Variants in NTRK3 observed in about 807,000 individuals in gnomAD.
NTRK3 encodes NT-3 growth factor receptor.
In NTRK3, 24 loss-of-function variants were observed where a neutral mutation model predicts 91.7. The observed-to-expected ratio is 0.26, with a 90% CI of 0.19 to 0.37. NTRK3 has a LOEUF of 0.37. NTRK3 is among the 10% of genes least tolerant of loss of function. The pLI, the probability that NTRK3 is intolerant of heterozygous loss-of-function variation, is 1.00. For missense variants in NTRK3, 880 were observed against 1,068.9 expected, an observed-to-expected ratio of 0.82 and a Z score of 2.46; for synonymous variants, 483 against 404.0, an observed-to-expected ratio of 1.20 and a Z score of -2.34.
intron 14 of NTRK3, among the ~76,000 whole-genome samples, chr15:88,028,136 C>T (rs929018914): frequency 2.1e-5 from 3 of 139,598 alleles, no homozygotes; most frequent in Non-Finnish European, 4.6e-5. Flanking sequence ...GAGTCATCAG[C>T]AGAAAGCTGA....
At chr15:88,056,700 G>C (rs1389039983) in intron 13 of NTRK3, among the ~76,000 whole-genome samples, 1 of 152,236 alleles carries the variant, frequency 6.6e-6, no homozygotes, top group Non-Finnish European at 1.5e-5. Flanking sequence ...GAATCTCTGA[G>C]GCAAGATAGC....
chr15:88,158,139 A>G lies in NTRK3; in HGVS notation c.396-10736T>C, dbSNP rs570483831. 5.3e-5 allele frequency among the ~76,000 whole-genome samples: 8 copies of G among 152,188 alleles called. No homozygotes were observed. The East Asian group carries it at 1.5e-3, about 29-fold the overall frequency. Reference sequence around the variant, plus strand: ...AATAATAATAGGGCATGTCCACTTGAGCTGTGGTGAGGATTAAATGGGGTA... The same window carrying G: ...AATAATAATAGGGCATGTCCACTTGGGCTGTGGTGAGGATTAAATGGGGTA... On this transcript the variant is annotated intron_variant, in intron 5 of 18. Coordinates refer to ENST00000394480, the Ensembl canonical transcript of NTRK3.
intron 5 of NTRK3, among the ~76,000 whole-genome samples, chr15:88,177,945 T>C (rs374036444): frequency 1.1e-4 from 17 of 152,330 alleles, no homozygotes; most frequent in African/African-American, 3.8e-4. Flanking sequence ...CTTTCAAAGC[T>C]CAGAGAAGTT....
At chr15:88,060,981 C>A (rs993081319) in intron 13 of NTRK3, among the ~76,000 whole-genome samples, 33 of 151,260 alleles carry the variant, frequency 2.2e-4, no homozygotes, top group Admixed American at 9.9e-4. Flanking sequence ...TTTTTTTCAA[C>A]TATTAAAATA....
intron 17 of NTRK3, among the ~76,000 whole-genome samples, chr15:87,899,213 G>T (rs2066308813): frequency 6.6e-6 from 1 of 152,160 alleles, no homozygotes; most frequent in South Asian, 2.1e-4. Context: ...GCAGGTAGAT[G>T]GGCATAATTA....
At chr15:87,989,853 C>G (rs946583099) in intron 14 of NTRK3, among the ~76,000 whole-genome samples, 1 of 152,136 alleles carries the variant, frequency 6.6e-6, no homozygotes, top group Non-Finnish European at 1.5e-5. Context: ...GGGATGCGCC[C>G]ACCTCAGCCT....
At chr15:88,124,929 G>A (rs1482844582) in intron 13 of NTRK3, among the ~76,000 whole-genome samples, 1 of 152,234 alleles carries the variant, frequency 6.6e-6, no homozygotes, top group Admixed American at 6.5e-5. Context: ...CAAGAGCAGA[G>A]AGTGCAAAGG....
chr15:87,893,269 T>A (rs1345582167), intron 17 of NTRK3, among the ~76,000 whole-genome samples: 2 of 152,270 alleles, frequency 1.3e-5, no homozygotes, highest in African/African-American at 4.8e-5. Flanking sequence ...CAGTTCCACC[T>A]CCAGCCCTGG....
intron 17 of NTRK3, among the ~76,000 whole-genome samples, chr15:87,904,419 G>A (rs1445882204): frequency 1.3e-5 from 2 of 151,830 alleles, no homozygotes; most frequent in Admixed American, 6.6e-5. Flanking sequence ...GCCTCCCAAA[G>A]TGCTGGGATT....
At chr15:87,943,862 G>A (rs1043616716) in intron 14 of NTRK3, among the ~76,000 whole-genome samples, 1 of 152,046 alleles carries the variant, frequency 6.6e-6, no homozygotes, top group Non-Finnish European at 1.5e-5. Flanking sequence ...GAAGGTAGCA[G>A]AGGGCAAGTG....
intron 17 of NTRK3, among the ~76,000 whole-genome samples, chr15:87,903,484 T>A (rs891565367): frequency 6.6e-6 from 1 of 152,162 alleles, no homozygotes; most frequent in Admixed American, 6.5e-5. Context: ...TCCAGGCCCC[T>A]TTTATCATCC....
rs566289859 is a variant in NTRK3 at position 88,029,873 on chromosome 15, A to C, written c.1585+2984T>G. Among the ~76,000 whole-genome samples the C allele has an allele frequency of 9.2e-5, 14 of 152,348 alleles. No individual in the cohort carries two copies. The South Asian group carries it at 2.9e-3, about 32-fold the overall frequency. On this transcript the variant is annotated intron_variant, in intron 14 of 18. Transcript: ENST00000394480. ...TTAATCAGAGACCTGCTGCTGGCTC[A>C]GCCAGTAAATCTCTGCTGAGGACTG...
intron 14 of NTRK3, among the ~76,000 whole-genome samples, chr15:88,013,430 T>C (rs1232259777): frequency 6.6e-6 from 1 of 152,216 alleles, no homozygotes; most frequent in Non-Finnish European, 1.5e-5. Flanking sequence ...TGATGCTCTA[T>C]CAACCAATTT....
intron 13 of NTRK3, among the ~76,000 whole-genome samples, chr15:88,041,562 G>A (rs764439396): frequency 2.0e-5 from 3 of 152,082 alleles, no homozygotes; most frequent in Admixed American, 6.5e-5. Context: ...CTTTTTCCTG[G>A]GTTGGCATTT....
At position 87,889,945 on chromosome 15, in the gene NTRK3, CATTTATTT is replaced by C. The variant is rs34147113; in HGVS notation, c.2134-9525_2134-9518del. Among the ~76,000 whole-genome samples the C allele has an allele frequency of 3.3e-3, 466 of 139,250 alleles. 1 individual carries two copies. The highest frequency in any genetic ancestry group is 0.011 in the Middle Eastern group (3 of 276). 91.4% of individuals were successfully genotyped at this position (139,250 alleles called of 152,430 possible). ...TCCCCTACCTTCTGCCCCAACTTTC[CATTTATTT>C]ATTTATTTATTTATTTATTTATTTA... On this transcript the variant is annotated intron_variant, in intron 17 of 18. Transcript: ENST00000394480.
rs532289998 is a variant in NTRK3 at position 88,213,510 on chromosome 15, G to T, written c.249-29211C>A. On this transcript the variant is annotated intron_variant, in intron 3 of 18. Coordinates refer to ENST00000394480, the Ensembl canonical transcript of NTRK3. ...AGACTAAGGCCCAGACAGACAGACAGACAGACAGACAAGGCAGCTCGGCCT... is the reference window on the plus strand; with the variant it reads ...AGACTAAGGCCCAGACAGACAGACATACAGACAGACAAGGCAGCTCGGCCT... Among the ~76,000 whole-genome samples the T allele has an allele frequency of 2.0e-5, 3 of 152,324 alleles. No individual in the cohort carries two copies. In the South Asian group the frequency reaches 6.2e-4, roughly 32 times the overall value.
intron 3 of NTRK3, among the ~76,000 whole-genome samples, chr15:88,210,711 A>G (rs557408493): frequency 6.6e-6 from 1 of 152,362 alleles, no homozygotes; most frequent in South Asian, 2.1e-4. Context: ...GCCTTCTCTC[A>G]TACAGCTCAT....
chr15:88,183,774 G>C (rs1242950155), intron 4 of NTRK3, among the ~76,000 whole-genome samples: 1 of 152,138 alleles, frequency 6.6e-6, no homozygotes, highest in East Asian at 1.9e-4. Context: ...GCTTCTGCTG[G>C]TCCAGTAATG....
At chr15:87,870,511 C>A in exon 19 of NTRK3, 1 of 208,170 alleles carries the variant, frequency 4.8e-6, no homozygotes, top group Non-Finnish European at 9.8e-6. Flanking sequence ...GTGCCAAAAT[C>A]TCACAAATCA....
Sources: allele counts gnomAD v4.1 joint callset (sites outside exome capture counted in the v4.1 genomes callset), GRCh38; gene constraint gnomAD v4.1.1; transcripts MANE v1.5; gene names NCBI Gene and HGNC (gene_info 2026-07-23, HGNC 2026-07-21).